The following GLIS1 variants were observed in gnomAD, a reference collection of about 807,000 sequenced individuals.
GLIS1 encodes the protein GLIS family zinc finger 1.
In GLIS1, 24 loss-of-function variants were observed where a neutral mutation model predicts 63.8. The ratio of observed to expected loss-of-function variants is 0.38; its 90% CI spans 0.27 to 0.53. GLIS1 has a LOEUF of 0.53. Ranked by LOEUF, GLIS1 falls within the 20% of genes least tolerant of loss-of-function variation. The probability of loss-of-function intolerance (pLI) is 0.85; values close to 1 mark genes in which losing one functional copy is unlikely to be tolerated. For synonymous variants in GLIS1, 450 were observed against 482.5 expected, an observed-to-expected ratio of 0.93 and a Z score of 0.88; for missense variants, 1,036 against 1,074.1, an observed-to-expected ratio of 0.96 and a Z score of 0.50.
At chr1:53,593,172 C>T (rs1323109515) in intron 4 of GLIS1, among the ~76,000 whole-genome samples, 9 of 152,246 alleles carry the variant, frequency 5.9e-5, no homozygotes, top group Non-Finnish European at 1.3e-4. Context: ...GATGGCTGGG[C>T]GGGCTGGGCA....
intron 2 of GLIS1, among the ~76,000 whole-genome samples, chr1:53,643,067 C>T (rs1267570309): frequency 4.6e-5 from 7 of 152,174 alleles, no homozygotes; most frequent in African/African-American, 1.7e-4. Flanking sequence ...CCCGTCTTCT[C>T]GGACTAACAA....
At chr1:53,730,230 C>T (rs186097920) in intron 2 of GLIS1, among the ~76,000 whole-genome samples, 10 of 152,132 alleles carry the variant, frequency 6.6e-5, no homozygotes, top group Non-Finnish European at 4.4e-5. Flanking sequence ...CAAAAGTATT[C>T]GGTGGTTTAG....
chr1:53,676,099 T>C (rs770434371), intron 2 of GLIS1, among the ~76,000 whole-genome samples: 21 of 152,176 alleles, frequency 1.4e-4, no homozygotes, highest in Non-Finnish European at 2.8e-4. Flanking sequence ...AATTAATCCT[T>C]GGATTCACTT....
At chr1:53,672,155 C>T (rs1646159390) in intron 2 of GLIS1, among the ~76,000 whole-genome samples, 8 of 152,204 alleles carry the variant, frequency 5.3e-5, no homozygotes. Context: ...GATCCAGGTG[C>T]CAAAATGGAC....
At chr1:53,651,873 CA>C (rs1218432150) in intron 2 of GLIS1, among the ~76,000 whole-genome samples, 15,292 of 91,316 alleles carry the variant, frequency 0.17, 847 homozygotes, top group South Asian at 0.33. Flanking sequence ...GATCTTGTCT[CA>C]AAAAAAAAAA....
chr1:53,636,341 G>A (rs201294899), intron 2 of GLIS1, among the ~76,000 whole-genome samples: 1 of 151,728 alleles, frequency 6.6e-6, no homozygotes, highest in East Asian at 1.9e-4. Context: ...TTTAAAAGAA[G>A]ACCCTATGAT....
At chr1:53,521,752 A>G (rs577967000) in intron 6 of GLIS1, among the ~76,000 whole-genome samples, 18 of 152,324 alleles carry the variant, frequency 1.2e-4, no homozygotes, top group African/African-American at 4.3e-4. Flanking sequence ...TTTGGCCAAC[A>G]ACCCTTGGCT....
intron 2 of GLIS1, among the ~76,000 whole-genome samples, chr1:53,635,576 G>C (rs1023295072): frequency 6.6e-6 from 1 of 150,614 alleles, no homozygotes; most frequent in Non-Finnish European, 1.5e-5. Context: ...GAAGTAGCAA[G>C]AGAAACTATA....
chr1:53,510,317 T>C (rs1232748111), intron 8 of GLIS1, among the ~76,000 whole-genome samples: 1 of 152,230 alleles, frequency 6.6e-6, no homozygotes, highest in East Asian at 1.9e-4. Flanking sequence ...AATTGCTCCG[T>C]TGGCCAACTA....
chr1:53,534,846 A>G (rs1644566945), intron 4 of GLIS1, among the ~76,000 whole-genome samples: 1 of 151,994 alleles, frequency 6.6e-6, no homozygotes, highest in Admixed American at 6.5e-5. Context: ...AAAGACCCAT[A>G]GCTCCAAACA....
chr1:53,565,806 G>T (rs1341851669), intron 4 of GLIS1, among the ~76,000 whole-genome samples: 4 of 150,212 alleles, frequency 2.7e-5, no homozygotes, highest in Admixed American at 6.6e-5. Context: ...ATTCTTCAAG[G>T]AATAGAAAAA....
At chr1:53,678,337 G>C (rs1233405921) in intron 2 of GLIS1, among the ~76,000 whole-genome samples, 23 of 136,822 alleles carry the variant, frequency 1.7e-4, no homozygotes, top group Admixed American at 7.2e-4. Context: ...GAGGGGGGGG[G>C]GGTGGGGGGC....
chr1:53,661,975 T>C (rs529165514), intron 2 of GLIS1, among the ~76,000 whole-genome samples: 2 of 152,178 alleles, frequency 1.3e-5, no homozygotes, highest in East Asian at 1.9e-4. Context: ...GGGCCATAGA[T>C]TGGGGCTGGG....
intron 2 of GLIS1, among the ~76,000 whole-genome samples, chr1:53,720,717 A>C (rs1416176323): frequency 3.3e-5 from 5 of 152,236 alleles, no homozygotes; most frequent in Non-Finnish European, 7.3e-5. Context: ...TACACGTTGT[A>C]TGCATGTGTC....
intron 2 of GLIS1, among the ~76,000 whole-genome samples, chr1:53,684,767 C>A (rs1476205800): frequency 6.6e-6 from 1 of 152,242 alleles, no homozygotes; most frequent in African/African-American, 2.4e-5. Flanking sequence ...TCCTGGCCAG[C>A]AGGCTCCCAG....
chr1:53,509,400 G>A (rs1208170105), intron 9 of GLIS1, 113 bp from the exon 10 acceptor site: 4 of 1,159,968 alleles, frequency 3.4e-6, no homozygotes, highest in African/African-American at 1.5e-5. Context: ...CAGGCATTGT[G>A]GGTGTGAGAG....
At chr1:53,531,584 G>A (rs1477319494) in intron 4 of GLIS1, among the ~76,000 whole-genome samples, 1 of 152,222 alleles carries the variant, frequency 6.6e-6, no homozygotes, top group Non-Finnish European at 1.5e-5. Context: ...AGTCTGCGGT[G>A]AGTGCCAAGC....
At chr1:53,543,702 C>T (rs993109201) in intron 4 of GLIS1, among the ~76,000 whole-genome samples, 1 of 151,986 alleles carries the variant, frequency 6.6e-6, no homozygotes, top group Non-Finnish European at 1.5e-5. Flanking sequence ...AACCCCAAAT[C>T]GCCAGCTGTT....
intron 2 of GLIS1, among the ~76,000 whole-genome samples, chr1:53,735,469 T>C (rs1321588654): frequency 1.3e-5 from 2 of 152,250 alleles, no homozygotes; most frequent in Non-Finnish European, 2.9e-5. Context: ...CAGGTTACAG[T>C]AGTAATCCTA....
Sources: allele counts gnomAD v4.1 joint callset (sites outside exome capture counted in the v4.1 genomes callset), GRCh38; gene constraint gnomAD v4.1.1; transcripts MANE v1.5; gene names NCBI Gene and HGNC (gene_info 2026-07-23, HGNC 2026-07-21).